Variants in TECRL observed in about 807,000 individuals in gnomAD.
TECRL encodes the protein trans-2,3-enoyl-CoA reductase-like.
TECRL carries 63 observed loss-of-function variants against 52.8 expected under a neutral mutation model. The observed-to-expected ratio is 1.19, with a 90% CI of 0.97 to 1.47. TECRL has a LOEUF of 1.47. Ranked by LOEUF, TECRL falls within the 40% of genes most tolerant of loss-of-function variation. The pLI, the probability that TECRL is intolerant of heterozygous loss-of-function variation, is 0.00. For missense variants in TECRL, 482 were observed against 429.6 expected, an observed-to-expected ratio of 1.12 and a Z score of -1.08; for synonymous variants, 164 against 141.9, an observed-to-expected ratio of 1.16 and a Z score of -1.10.
chr4:64,384,863 T>C (rs917271658), intron 1 of TECRL, among the ~76,000 whole-genome samples: 1 of 152,154 alleles, frequency 6.6e-6, no homozygotes, highest in Non-Finnish European at 1.5e-5. Flanking sequence ...GAAAAGGTGG[T>C]CCCAGCTTGG....
intron 11 of TECRL, 71 bp from the exon 12 acceptor site, chr4:64,280,270 C>T (rs1489427965): frequency 1.7e-6 from 2 of 1,168,046 alleles, no homozygotes; most frequent in South Asian, 2.2e-5. Flanking sequence ...AAAAGGATCC[C>T]TAGCATGTTT....
intron 3 of TECRL, among the ~76,000 whole-genome samples, chr4:64,324,641 A>G (rs1274139417): frequency 6.6e-6 from 1 of 152,100 alleles, no homozygotes; most frequent in Non-Finnish European, 1.5e-5. Flanking sequence ...TGATAAATCC[A>G]CTTTTAACAG....
chr4:64,317,597 A>G (rs1717596353), intron 4 of TECRL, among the ~76,000 whole-genome samples: 1 of 152,248 alleles, frequency 6.6e-6, no homozygotes, highest in African/African-American at 2.4e-5. Context: ...CTTGTAATAC[A>G]GTAAGATCAC....
chr4:64,292,102 G>T (rs1021781027), intron 8 of TECRL, among the ~76,000 whole-genome samples: 1 of 151,902 alleles, frequency 6.6e-6, no homozygotes, highest in Non-Finnish European at 1.5e-5. Context: ...TTAGGTAAAG[G>T]CTGAGTAAGA....
chr4:64,292,729 A>C (rs1013174015), intron 8 of TECRL, among the ~76,000 whole-genome samples: 1 of 152,164 alleles, frequency 6.6e-6, no homozygotes, highest in Admixed American at 6.6e-5. Context: ...TCTGTTGTCA[A>C]GAACAAGATG....
At chr4:64,350,630 G>A (rs1357588354) in intron 2 of TECRL, among the ~76,000 whole-genome samples, 6 of 152,082 alleles carry the variant, frequency 3.9e-5, no homozygotes, top group Non-Finnish European at 7.4e-5. Context: ...GGAATGTGGT[G>A]GAGCCATATC....
chr4:64,382,199 A>G (rs1209838527), intron 1 of TECRL, among the ~76,000 whole-genome samples: 2 of 1,254 alleles, frequency 1.6e-3, no homozygotes, highest in Non-Finnish European at 5.1e-3. Context: ...CTGTATATAT[A>G]TATATATATA....
chr4:64,360,269 G>T, intron 2 of TECRL, among the ~76,000 whole-genome samples: 1 of 151,652 alleles, frequency 6.6e-6, no homozygotes. Context: ...TTTTTTAAAT[G>T]TCAGATAGTC....
In TECRL at chr4:64,299,760, C is replaced by A. The variant is rs192229433; in HGVS notation, c.774+214G>T. Reference sequence around the variant, plus strand: ...TTGTATTTCAAATAATTCTAATCAACCTTTAGAGATGACTACAACATTTTG... The same window carrying A: ...TTGTATTTCAAATAATTCTAATCAAACTTTAGAGATGACTACAACATTTTG... On this transcript the variant is annotated intron_variant, in intron 8 of 11. Transcript: ENST00000381210. Among the ~76,000 whole-genome samples, 4 of 150,722 alleles carry A rather than the reference C, an allele frequency of 2.7e-5. No individual in the cohort carries two copies. In the East Asian group the frequency reaches 7.8e-4, roughly 29 times the overall value.
At chr4:64,285,073 C>T (rs1435101346) in intron 9 of TECRL, among the ~76,000 whole-genome samples, 1 of 152,006 alleles carries the variant, frequency 6.6e-6, no homozygotes, top group Non-Finnish European at 1.5e-5. Context: ...GGTAATTTAT[C>T]CAGATCATAA....
chr4:64,326,546 T>C (rs935586310), intron 3 of TECRL, among the ~76,000 whole-genome samples: 1 of 152,150 alleles, frequency 6.6e-6, no homozygotes, highest in African/African-American at 2.4e-5. Flanking sequence ...TTAGTACCTC[T>C]GCTCATTTTT....
At chr4:64,282,740 T>G (rs550063131) in intron 9 of TECRL, among the ~76,000 whole-genome samples, 1 of 152,144 alleles carries the variant, frequency 6.6e-6, no homozygotes, top group African/African-American at 2.4e-5. Context: ...GTTTGTCGAT[T>G]AAATAATGGA....
At chr4:64,337,123 T>G (rs775740091) in intron 2 of TECRL, among the ~76,000 whole-genome samples, 14 of 152,100 alleles carry the variant, frequency 9.2e-5, no homozygotes, top group Non-Finnish European at 1.9e-4. Context: ...AAGTCTCCCA[T>G]ATGCAAATCA....
At chr4:64,319,366 A>C (rs934569766) in intron 4 of TECRL, among the ~76,000 whole-genome samples, 4 of 151,832 alleles carry the variant, frequency 2.6e-5, no homozygotes, top group African/African-American at 9.7e-5. Context: ...AAAATGCAGG[A>C]GAGAACTCCA....
chr4:64,329,761 A>G (rs1241244245), intron 2 of TECRL, among the ~76,000 whole-genome samples: 2 of 151,836 alleles, frequency 1.3e-5, no homozygotes, highest in Non-Finnish European at 3.0e-5. Flanking sequence ...TTTTCAATGC[A>G]TTTACAATAA....
At chr4:64,282,326 C>T (rs1451825956) in intron 9 of TECRL, among the ~76,000 whole-genome samples, 1 of 151,890 alleles carries the variant, frequency 6.6e-6, no homozygotes, top group African/African-American at 2.4e-5. Context: ...ATTCTCCATA[C>T]CAAGATTTAA....
chr4:64,313,476 C>CTTTT (rs565143298), intron 5 of TECRL, among the ~76,000 whole-genome samples: 2 of 66,334 alleles, frequency 3.0e-5, no homozygotes, highest in African/African-American at 1.1e-4. Flanking sequence ...TGCCTTACTC[C>CTTTT]TTTTTTTTTT....
In TECRL at chr4:64,327,586, C is replaced by T. The variant is rs79127992; in HGVS notation, c.331+926G>A. 5.8e-3 allele frequency among the ~76,000 whole-genome samples: 878 copies of T among 152,116 alleles called. 16 individuals are homozygous for T. Among genetic ancestry groups the T allele is most frequent in the African/African-American group, 0.02 (847 of 41,540 alleles). On this transcript the variant is annotated intron_variant, in intron 3 of 11. Transcript: ENST00000381210. ...TAGGTAGGTGGGAATTTGTCTTGAACATTTGAGCAAAAATAAATTTGAGAG... is the reference window on the plus strand; with the variant it reads ...TAGGTAGGTGGGAATTTGTCTTGAATATTTGAGCAAAAATAAATTTGAGAG...
chr4:64,302,688 CAATT>C (rs1724091153), intron 7 of TECRL, among the ~76,000 whole-genome samples: 1 of 151,078 alleles, frequency 6.6e-6, no homozygotes, highest in African/African-American at 2.4e-5. Flanking sequence ...AAAATTGGAT[CAATT>C]GTCTGTTTTG....
Sources: gnomAD v4.1 joint callset for allele counts (sites outside exome capture counted in the v4.1 genomes callset) on GRCh38, gnomAD v4.1.1 for gene constraint, MANE v1.5 for transcripts, NCBI Gene and HGNC (gene_info 2026-07-23, HGNC 2026-07-21) for gene names.